The following ZFHX3 variants were observed in gnomAD, a reference collection of about 807,000 sequenced individuals.
ZFHX3 encodes zinc finger homeobox 3.
Under a neutral mutation model 279.1 loss-of-function variants are expected in ZFHX3, and 42 were observed. The observed-to-expected ratio is 0.15, with a 90% CI of 0.12 to 0.19. The LOEUF (loss-of-function observed/expected upper bound fraction) is 0.19, where lower values mean the gene tolerates loss of function less well. ZFHX3 is among the 10% of genes least tolerant of loss of function. The pLI is 1.00. For synonymous variants in ZFHX3, 2,293 were observed against 1,957.8 expected, an observed-to-expected ratio of 1.17 and a Z score of -4.52; for missense variants, 4,981 against 4,754.0, an observed-to-expected ratio of 1.05 and a Z score of -1.40.
chr16:73,382,573 G>T (rs1398108999), intron 3 of ZFHX3, among the ~76,000 whole-genome samples: 1 of 152,140 alleles, frequency 6.6e-6, no homozygotes, highest in Admixed American at 6.5e-5. Context: ...GGGGGCAGGA[G>T]GTAATCAGGA....
chr16:73,795,693 C>G (rs1428072275), intron 1 of ZFHX3, among the ~76,000 whole-genome samples: 1 of 152,150 alleles, frequency 6.6e-6, no homozygotes, highest in Non-Finnish European at 1.5e-5. Context: ...TGACCTGTTC[C>G]CTGATTTGAC....
intron 1 of ZFHX3, among the ~76,000 whole-genome samples, chr16:73,728,015 G>GCCCCACCC (rs2053534576): frequency 1.3e-5 from 1 of 75,426 alleles, no homozygotes; most frequent in African/African-American, 4.6e-5. Flanking sequence ...GCCGAATTGT[G>GCCCCACCC]CCCCCCCCCC....
chr16:73,643,818 A>G (rs986369366), intron 2 of ZFHX3, among the ~76,000 whole-genome samples: 1 of 152,144 alleles, frequency 6.6e-6, no homozygotes, highest in Non-Finnish European at 1.5e-5. Flanking sequence ...AATTCTCCCA[A>G]AAACAAAAGC....
At chr16:73,244,825 A>AGGCATGTGAG (rs2013231006) in intron 5 of ZFHX3, among the ~76,000 whole-genome samples, 1 of 152,178 alleles carries the variant, frequency 6.6e-6, no homozygotes, top group Non-Finnish European at 1.5e-5. Flanking sequence ...ACCCTCACAA[A>AGGCATGTGAG]GACTGATACA....
At chr16:73,248,261 T>A (rs141361109) in intron 5 of ZFHX3, among the ~76,000 whole-genome samples, 1 of 151,950 alleles carries the variant, frequency 6.6e-6, no homozygotes, top group African/African-American at 2.4e-5. Context: ...TGTGCGTGTA[T>A]GTGGAATGTT....
At chr16:73,806,434 T>C (rs905394447) in intron 1 of ZFHX3, among the ~76,000 whole-genome samples, 1 of 152,158 alleles carries the variant, frequency 6.6e-6, no homozygotes, top group Non-Finnish European at 1.5e-5. Flanking sequence ...TGCAAGGCTC[T>C]GAGGTCACGG....
In ZFHX3 at chr16:72,950,965, A is replaced by G; in HGVS notation, c.2720T>C (p.Val907Ala). 1 of 1,609,000 alleles carries G rather than the reference A, an allele frequency of 6.2e-7. No individual in the cohort carries two copies. Among genetic ancestry groups the G allele is most frequent in the Non-Finnish European group, 8.5e-7 (1 of 1,176,284 alleles). The change falls in exon 3 of 10, where the codon GTG becomes GCG. Residue 907 changes from valine (V) to alanine (A), a missense_variant and splice_region_variant. Coordinates refer to ENST00000268489, the MANE Select transcript of ZFHX3 (RefSeq NM_006885.4). ...GPMAAMTPAL[V>A]GGEIPLDMRL... ...CATGTCTAGGGGGATCTCACCGCCC[A>G]CTGCAGGGAAGGAGAGAAGGAGAGA...
intron 4 of ZFHX3, among the ~76,000 whole-genome samples, chr16:72,876,184 C>A (rs1185246572): frequency 1.3e-5 from 2 of 152,116 alleles, no homozygotes; most frequent in East Asian, 3.8e-4. Context: ...TTCAAAATAA[C>A]CGGGTTCAAA....
At chr16:73,255,197 G>A (rs1297505801) in intron 5 of ZFHX3, among the ~76,000 whole-genome samples, 2 of 152,188 alleles carry the variant, frequency 1.3e-5, no homozygotes, top group Non-Finnish European at 1.5e-5. Flanking sequence ...ACCTTTTTAT[G>A]AGTCATTGTA....
chr16:73,242,823 A>G (rs1431995603), intron 5 of ZFHX3, among the ~76,000 whole-genome samples: 1 of 152,246 alleles, frequency 6.6e-6, no homozygotes, highest in Non-Finnish European at 1.5e-5. Flanking sequence ...TCAAGGTGCC[A>G]GCAACCTTGC....
chr16:73,008,462 A>G (rs1963793191), intron 1 of ZFHX3, among the ~76,000 whole-genome samples: 1 of 152,246 alleles, frequency 6.6e-6, no homozygotes, highest in African/African-American at 2.4e-5. Context: ...AATAGAAAAC[A>G]CGACAATGTT....
chr16:73,433,615 T>C (rs1302816735), intron 3 of ZFHX3, among the ~76,000 whole-genome samples: 1 of 152,142 alleles, frequency 6.6e-6, no homozygotes, highest in Non-Finnish European at 1.5e-5. Context: ...CAAGAGCAGT[T>C]TGCATACACA....
intron 3 of ZFHX3, among the ~76,000 whole-genome samples, chr16:72,904,972 C>T (rs2039134529): frequency 6.6e-6 from 1 of 152,160 alleles, no homozygotes; most frequent in Non-Finnish European, 1.5e-5. Flanking sequence ...GCTAAGATTA[C>T]AGGTGCCCGC....
chr16:73,079,805 G>A (rs1243583758), intron 8 of ZFHX3, among the ~76,000 whole-genome samples: 1 of 152,062 alleles, frequency 6.6e-6, no homozygotes. Context: ...GTGTTCTCTG[G>A]CCCTTGCTTG....
chr16:73,060,492 GTGTC>G (rs935190337), upstream of ZFHX3: 4 of 151,898 alleles, frequency 2.6e-5, no homozygotes, highest in African/African-American at 9.7e-5. Flanking sequence ...ACAAGAGTCA[GTGTC>G]TGTCTGTCTC....
At chr16:73,012,110 G>C (rs1430129237) in intron 1 of ZFHX3, among the ~76,000 whole-genome samples, 1 of 152,208 alleles carries the variant, frequency 6.6e-6, no homozygotes, top group South Asian at 2.1e-4. Flanking sequence ...AAGGCAGTCA[G>C]TCTTCTCAGC....
chr16:73,523,354 G>A (rs2019638866), intron 2 of ZFHX3, among the ~76,000 whole-genome samples: 1 of 152,172 alleles, frequency 6.6e-6, no homozygotes, highest in South Asian at 2.1e-4. Flanking sequence ...CTGAACTCAT[G>A]ACCAGATGTG....
At chr16:73,011,619 G>A (rs1307052447) in intron 1 of ZFHX3, among the ~76,000 whole-genome samples, 1 of 152,012 alleles carries the variant, frequency 6.6e-6, no homozygotes, top group Non-Finnish European at 1.5e-5. Flanking sequence ...CGCTACTCAG[G>A]AGGCTGAGGC....
intron 4 of ZFHX3, among the ~76,000 whole-genome samples, chr16:72,835,616 G>T (rs2037172821): frequency 6.6e-6 from 1 of 152,074 alleles, no homozygotes; most frequent in African/African-American, 2.4e-5. Flanking sequence ...TGAAGCAGGT[G>T]GGAAAGGCGG....
Sources: allele counts gnomAD v4.1 joint callset (sites outside exome capture counted in the v4.1 genomes callset), GRCh38; gene constraint gnomAD v4.1.1; transcripts MANE v1.5; gene names NCBI Gene and HGNC (gene_info 2026-07-23, HGNC 2026-07-21).